The following SNX29 variants were observed in gnomAD, a reference collection of about 807,000 sequenced individuals.
The protein encoded by SNX29 is sorting nexin-29.
SNX29 carries 78 observed loss-of-function variants against 102.1 expected under a neutral mutation model. That is an observed-to-expected ratio of 0.76 (90% CI 0.64 to 0.92). The LOEUF (loss-of-function observed/expected upper bound fraction) is 0.92. Among genes scored for constraint, SNX29 ranks in the 40% least tolerant of loss-of-function variants. The pLI, the probability that SNX29 is intolerant of heterozygous loss-of-function variation, is 0.00. For missense variants in SNX29, 1,280 were observed against 1,061.7 expected, an observed-to-expected ratio of 1.21 and a Z score of -2.86; for synonymous variants, 580 against 414.5, an observed-to-expected ratio of 1.40 and a Z score of -4.85.
chr16:12,308,426 C>T (rs1255538964), intron 15 of SNX29, among the ~76,000 whole-genome samples: 1 of 152,170 alleles, frequency 6.6e-6, no homozygotes, highest in Non-Finnish European at 1.5e-5. Flanking sequence ...CTCTTAGTAG[C>T]GGCCACATCC....
At chr16:12,260,696 G>A (rs113859386) in intron 14 of SNX29, among the ~76,000 whole-genome samples, 74 of 43,100 alleles carry the variant, frequency 1.7e-3, no homozygotes, top group African/African-American at 6.1e-3. Context: ...GTCTGTGCAC[G>A]CGTCCCCGGC....
intron 20 of SNX29, among the ~76,000 whole-genome samples, chr16:12,566,352 G>T (rs1430165249): frequency 6.6e-6 from 1 of 152,112 alleles, no homozygotes; most frequent in Non-Finnish European, 1.5e-5. Context: ...CCCACCGACT[G>T]CTACCTCTCC....
At chr16:12,183,145 G>A (rs905922377) in intron 13 of SNX29, among the ~76,000 whole-genome samples, 1 of 151,922 alleles carries the variant, frequency 6.6e-6, no homozygotes, top group East Asian at 1.9e-4. Flanking sequence ...GAGCACGGGC[G>A]TGCGCCACCA....
At chr16:12,009,892 G>A (rs780271202) in intron 3 of SNX29, among the ~76,000 whole-genome samples, 6 of 152,188 alleles carry the variant, frequency 3.9e-5, no homozygotes, top group African/African-American at 4.8e-5. Context: ...CCGCCAAGGC[G>A]TCTTTGTCCC....
intron 13 of SNX29, among the ~76,000 whole-genome samples, chr16:12,149,984 C>T (rs1051377187): frequency 2.0e-4 from 31 of 152,086 alleles, no homozygotes; most frequent in Admixed American, 1.0e-3. Context: ...GTGGCTGTAT[C>T]CTGGAATTCT....
Position 12,202,179 on chromosome 16 carries a change from A to C in SNX29, c.1678+2496A>C, listed in dbSNP as rs556281125. On this transcript the variant is annotated intron_variant, in intron 14 of 20. Coordinates refer to ENST00000566228, the MANE Select transcript of SNX29 (RefSeq NM_032167.5). ...TCCAGGATTTAAACAAAACAACTTA[A>C]AATGAACTTTTAGAATAAACATTGG... Among the ~76,000 whole-genome samples the C allele has an allele frequency of 6.6e-5, 10 of 152,318 alleles. No homozygotes were observed. The South Asian group carries it at 2.1e-3, about 32-fold the overall frequency.
chr16:12,541,685 C>T (rs764661071), intron 20 of SNX29, among the ~76,000 whole-genome samples: 1 of 152,172 alleles, frequency 6.6e-6, no homozygotes, highest in South Asian at 2.1e-4. Context: ...CCGTTTACCA[C>T]TACCCTGGGG....
At chr16:12,008,923 G>C (rs2056551656) in intron 3 of SNX29, among the ~76,000 whole-genome samples, 1 of 151,620 alleles carries the variant, frequency 6.6e-6, no homozygotes, top group South Asian at 2.1e-4. Flanking sequence ...TGTATTTTTA[G>C]TAGAGACGGG....
intron 8 of SNX29, among the ~76,000 whole-genome samples, chr16:12,060,613 CA>C: frequency 6.6e-6 from 1 of 152,282 alleles, no homozygotes; most frequent in East Asian, 1.9e-4. Flanking sequence ...TAAAACAAAA[CA>C]AGGGACTTTG....
chr16:12,184,639 T>C (rs548406725), intron 13 of SNX29, among the ~76,000 whole-genome samples: 58 of 152,272 alleles, frequency 3.8e-4, no homozygotes, highest in African/African-American at 1.4e-3. Context: ...TAAAAAGCCA[T>C]CTTAAAAGGC....
chr16:12,048,734 T>TG (rs1026252190), intron 7 of SNX29, 114 bp downstream of exon 7: 2 of 1,557,248 alleles, frequency 1.3e-6, no homozygotes, highest in Admixed American at 1.7e-5. Context: ...CCAGTGCACT[T>TG]GCGTTTTCCA....
chr16:12,561,728 G>A (rs1043593158), intron 20 of SNX29, among the ~76,000 whole-genome samples: 90 of 152,320 alleles, frequency 5.9e-4, no homozygotes, highest in African/African-American at 2.1e-3. Flanking sequence ...GTTGCTAGCA[G>A]CAGGGAGGAT....
chr16:12,406,778 G>A (rs1462418760), intron 18 of SNX29, among the ~76,000 whole-genome samples: 2 of 152,100 alleles, frequency 1.3e-5, no homozygotes, highest in Non-Finnish European at 2.9e-5. Context: ...CGTTGCTGTT[G>A]CATGCCTGTA....
At chr16:12,538,677 C>G (rs952256308) in intron 20 of SNX29, among the ~76,000 whole-genome samples, 7 of 152,110 alleles carry the variant, frequency 4.6e-5, no homozygotes, top group Non-Finnish European at 5.9e-5. Context: ...ATCTTTCATC[C>G]TCCTCCCAGG....
chr16:12,359,999 T>C (rs1347016891), intron 16 of SNX29, among the ~76,000 whole-genome samples: 1 of 152,182 alleles, frequency 6.6e-6, no homozygotes, highest in East Asian at 1.9e-4. Flanking sequence ...AATTTTTGTA[T>C]TTTTAGTAGA....
chr16:12,532,310 C>G (rs918210849), intron 20 of SNX29, among the ~76,000 whole-genome samples: 54 of 152,254 alleles, frequency 3.5e-4, no homozygotes, highest in Non-Finnish European at 6.0e-4. Context: ...GGACACCAGA[C>G]TCTGTAGCGT....
At chr16:12,465,725 A>G (rs2151772282) in intron 18 of SNX29, among the ~76,000 whole-genome samples, 1 of 152,058 alleles carries the variant, frequency 6.6e-6, no homozygotes, top group Non-Finnish European at 1.5e-5. Flanking sequence ...TTGTTCTTGT[A>G]TTTATGTGAA....
intron 9 of SNX29, among the ~76,000 whole-genome samples, chr16:12,064,678 G>T (rs1406509449): frequency 6.6e-6 from 1 of 152,236 alleles, no homozygotes; most frequent in Non-Finnish European, 1.5e-5. Context: ...GCCTGATTGG[G>T]ACGCCAGGTT....
intron 1 of SNX29, among the ~76,000 whole-genome samples, chr16:11,990,670 T>G (rs1289472191): frequency 6.6e-6 from 1 of 152,140 alleles, no homozygotes; most frequent in Admixed American, 6.5e-5. Context: ...TGAGAATGAA[T>G]TCTGCAGTGA....
Sources: gnomAD v4.1 joint callset for allele counts (sites outside exome capture counted in the v4.1 genomes callset) on GRCh38, gnomAD v4.1.1 for gene constraint, MANE v1.5 for transcripts, NCBI Gene and HGNC (gene_info 2026-07-23, HGNC 2026-07-21) for gene names.